MYO18B: variants seen among roughly 807,000 people sequenced by gnomAD.
MYO18B encodes unconventional myosin-XVIIIb.
In MYO18B, 204 loss-of-function variants were observed where a neutral mutation model predicts 273.0. That is an observed-to-expected ratio of 0.75 (90% CI 0.67 to 0.84). The LOEUF (loss-of-function observed/expected upper bound fraction) is 0.84, where lower values mean the gene tolerates loss of function less well. Among genes scored for constraint, MYO18B ranks in the 40% least tolerant of loss-of-function variants. MYO18B has a pLI of 0.00. For synonymous variants in MYO18B, 1,330 were observed against 1,305.7 expected, an observed-to-expected ratio of 1.02 and a Z score of -0.40; for missense variants, 3,212 against 3,287.6, an observed-to-expected ratio of 0.98 and a Z score of 0.56.
intron 12 of MYO18B, among the ~76,000 whole-genome samples, chr22:25,810,271 T>C (rs2088683669): frequency 6.6e-6 from 1 of 151,584 alleles, no homozygotes. Flanking sequence ...ATGTTTTTTT[T>C]GTATTTTTAG....
intron 27 of MYO18B, among the ~76,000 whole-genome samples, chr22:25,894,045 A>C (rs951382587): frequency 2.6e-4 from 39 of 152,232 alleles, no homozygotes; most frequent in Middle Eastern, 6.8e-3. Context: ...CCACCTTTCC[A>C]GTGGAAGTTA....
intron 34 of MYO18B, among the ~76,000 whole-genome samples, chr22:25,926,178 C>T (rs1365248522): frequency 6.6e-6 from 1 of 151,758 alleles, no homozygotes. Context: ...GCACTCCAGC[C>T]TGGACGATGG....
At chr22:26,004,045 TGG>T (rs1274952901) in intron 41 of MYO18B, among the ~76,000 whole-genome samples, 92 of 151,644 alleles carry the variant, frequency 6.1e-4, no homozygotes, top group African/African-American at 1.9e-3. Flanking sequence ...GGACAAGAAC[TGG>T]TGCTTGGCAT....
At chr22:25,867,845 A>G (rs1395402979) in intron 21 of MYO18B, among the ~76,000 whole-genome samples, 2 of 152,056 alleles carry the variant, frequency 1.3e-5, no homozygotes, top group Non-Finnish European at 2.9e-5. Context: ...GTTAGCCAGG[A>G]TGGTCTCGAT....
intron 15 of MYO18B, among the ~76,000 whole-genome samples, chr22:25,830,718 G>A (rs182279924): frequency 3.5e-4 from 53 of 152,314 alleles, no homozygotes; most frequent in Admixed American, 3.4e-3. Flanking sequence ...CTTCCACTGT[G>A]TTCGGTGAGT....
chr22:25,908,296 A>G, intron 31 of MYO18B, 26 bp from the exon 32 acceptor site: 1 of 1,549,954 alleles, frequency 6.5e-7, no homozygotes, highest in Non-Finnish European at 8.7e-7. Flanking sequence ...GGTCACCCTC[A>G]CGTGCTGTCC....
intron 31 of MYO18B, among the ~76,000 whole-genome samples, chr22:25,906,516 C>T (rs1446694989): frequency 6.6e-6 from 1 of 152,078 alleles, no homozygotes; most frequent in Non-Finnish European, 1.5e-5. Flanking sequence ...TTTTTTCTGT[C>T]CATGTTGGGG....
At chr22:25,912,628 G>C (rs192175254) in intron 33 of MYO18B, among the ~76,000 whole-genome samples, 1 of 152,150 alleles carries the variant, frequency 6.6e-6, no homozygotes, top group Admixed American at 6.5e-5. Flanking sequence ...TAATGTAATC[G>C]GTGTTTATGA....
At chr22:25,782,225 C>T (rs1202395752) in intron 10 of MYO18B, among the ~76,000 whole-genome samples, 1 of 152,238 alleles carries the variant, frequency 6.6e-6, no homozygotes, top group Non-Finnish European at 1.5e-5. Context: ...TTACATTCAG[C>T]TCTTTATAAA....
intron 37 of MYO18B, among the ~76,000 whole-genome samples, 198 bp from the exon 38 acceptor site, chr22:25,952,088 G>A (rs926951663): frequency 6.6e-6 from 1 of 152,180 alleles, no homozygotes; most frequent in African/African-American, 2.4e-5. Context: ...TCAGGGTCTG[G>A]TGTGAGGGTC....
chr22:25,769,507 C>A, intron 4 of MYO18B, 79 bp downstream of exon 4: 1 of 1,315,890 alleles, frequency 7.6e-7, no homozygotes, highest in Non-Finnish European at 1.0e-6. Flanking sequence ...AGATCTGCCC[C>A]AGGGATGGAC....
intron 33 of MYO18B, 117 bp from the exon 34 acceptor site, chr22:25,921,140 G>C: frequency 1.9e-6 from 2 of 1,055,706 alleles, no homozygotes; most frequent in Non-Finnish European, 2.7e-6. Context: ...TCTTGTCCAA[G>C]GTCACACGGT....
At chr22:26,050,001 C>T in the MYO18B span, among the ~76,000 whole-genome samples, 18 of 152,220 alleles carry the variant, frequency 1.2e-4, no homozygotes, top group Non-Finnish European at 1.6e-4. Flanking sequence ...CAAAGTGATT[C>T]GGAGTCAATG....
chr22:25,836,474 C>T (rs1422622903), intron 17 of MYO18B, among the ~76,000 whole-genome samples: 1 of 152,144 alleles, frequency 6.6e-6, no homozygotes, highest in East Asian at 1.9e-4. Flanking sequence ...CTCAGAGCAG[C>T]ATACGCAGCT....
At chr22:25,800,791 GGC>G (rs1356235809) in intron 12 of MYO18B, among the ~76,000 whole-genome samples, 4 of 152,334 alleles carry the variant, frequency 2.6e-5, no homozygotes, top group African/African-American at 9.6e-5. Flanking sequence ...AGAGTGGGGG[GGC>G]CCCCGCCCCC....
chr22:25,760,991 T>G lies in MYO18B; in HGVS notation c.-102T>G. 7.8e-7 allele frequency: 1 copy of G among 1,276,822 alleles called. No individual in the cohort carries two copies. The highest frequency in any genetic ancestry group is 1.1e-6 in the Non-Finnish European group (1 of 881,388). 79.1% of individuals were successfully genotyped at this position (1,276,822 alleles called of 1,614,324 possible). The stretch of plus-strand genomic sequence containing the variant: ...TGTGTCCCTGTGTGTCAGTTCTGTG[T>G]CCATCTCATGTGCTGCGTGTGTCTG... On this transcript the variant is annotated 5_prime_UTR_variant, in exon 2 of 44. Coordinates refer to ENST00000335473, the MANE Select transcript of MYO18B (RefSeq NM_032608.7).
At chr22:25,907,194 G>C (rs1278103094) in intron 31 of MYO18B, among the ~76,000 whole-genome samples, 1 of 152,250 alleles carries the variant, frequency 6.6e-6, no homozygotes, top group African/African-American at 2.4e-5. Flanking sequence ...AGAAGCCAGG[G>C]CTTGGGCCAA....
At chr22:26,012,281 G>A (rs1031948039) in intron 42 of MYO18B, among the ~76,000 whole-genome samples, 3 of 152,156 alleles carry the variant, frequency 2.0e-5, no homozygotes, top group African/African-American at 7.2e-5. Flanking sequence ...TTAAAAAACA[G>A]CTCGTTCCCA....
downstream of MYO18B, among the ~76,000 whole-genome samples, chr22:26,034,286 C>T (rs1936735128): frequency 6.6e-6 from 1 of 152,226 alleles, no homozygotes; most frequent in African/African-American, 2.4e-5. Flanking sequence ...TGTGACACTA[C>T]CACTTCTGCT....
Sources: gnomAD v4.1 joint callset for allele counts (sites outside exome capture counted in the v4.1 genomes callset) on GRCh38, gnomAD v4.1.1 for gene constraint, MANE v1.5 for transcripts, NCBI Gene and HGNC (gene_info 2026-07-23, HGNC 2026-07-21) for gene names.